Variants in FANCC observed in about 807,000 individuals in gnomAD.
FANCC encodes the protein FA complementation group C.
FANCC carries 55 observed loss-of-function variants against 71.3 expected under a neutral mutation model. That is an observed-to-expected ratio of 0.77 (90% CI 0.62 to 0.97). The LOEUF (loss-of-function observed/expected upper bound fraction) is 0.97, where lower values mean the gene tolerates loss of function less well. Among genes scored for constraint, FANCC ranks in the 50% least tolerant of loss-of-function variants. FANCC has a pLI of 0.00. For synonymous variants in FANCC, 275 were observed against 244.9 expected, an observed-to-expected ratio of 1.12 and a Z score of -1.15; for missense variants, 678 against 670.9, an observed-to-expected ratio of 1.01 and a Z score of -0.12.
chr9:95,249,642 C>T (rs1831208859), intron 1 of FANCC, among the ~76,000 whole-genome samples: 1 of 152,172 alleles, frequency 6.6e-6, no homozygotes, highest in African/African-American at 2.4e-5. Flanking sequence ...GCTGATAATA[C>T]TTTATATCTT....
At chr9:95,203,762 T>C (rs1827947281) in intron 4 of FANCC, among the ~76,000 whole-genome samples, 1 of 152,234 alleles carries the variant, frequency 6.6e-6, no homozygotes, top group Non-Finnish European at 1.5e-5. Context: ...TGAGTGGCAC[T>C]GTTTTACATT....
chr9:95,253,503 C>T (rs1299010809), intron 1 of FANCC, among the ~76,000 whole-genome samples: 1 of 152,208 alleles, frequency 6.6e-6, no homozygotes, highest in Non-Finnish European at 1.5e-5. Flanking sequence ...TACATGGTTT[C>T]TGAGGAGAAG....
intron 10 of FANCC, 125 bp downstream of exon 10, chr9:95,124,961 G>A (rs1256539602): frequency 3.7e-6 from 3 of 820,304 alleles, no homozygotes; most frequent in Admixed American, 2.0e-5. Context: ...GCACTCATTA[G>A]GAACCTTTCT....
intron 4 of FANCC, among the ~76,000 whole-genome samples, chr9:95,223,532 T>C (rs1408270311): frequency 2.0e-5 from 3 of 152,318 alleles, no homozygotes; most frequent in South Asian, 2.1e-4. Context: ...TTCTGAGGTA[T>C]TGGGGGTTAG....
intron 14 of FANCC, 121 bp downstream of exon 14, chr9:95,106,945 A>T: frequency 1.0e-6 from 1 of 959,444 alleles, no homozygotes; most frequent in Non-Finnish European, 1.6e-6. Flanking sequence ...TTGACCATTT[A>T]TCTGTGCTGG....
chr9:95,182,681 A>G (rs1045107662), intron 4 of FANCC, among the ~76,000 whole-genome samples: 3 of 152,066 alleles, frequency 2.0e-5, no homozygotes, highest in African/African-American at 7.2e-5. Flanking sequence ...CACGTGAGCC[A>G]GCTTGCTGAG....
chr9:95,294,103 G>C, intron 1 of FANCC: 1 of 1,610,574 alleles, frequency 6.2e-7, no homozygotes. Flanking sequence ...CCAAACCATA[G>C]ATTTATTAAG....
chr9:95,169,929 C>T (rs906111194), intron 6 of FANCC, among the ~76,000 whole-genome samples: 2 of 152,062 alleles, frequency 1.3e-5, no homozygotes, highest in Admixed American at 6.6e-5. Context: ...GGAGTGTTTG[C>T]CTCTTTATGA....
intron 1 of FANCC, among the ~76,000 whole-genome samples, chr9:95,253,811 G>A (rs1447619507): frequency 6.6e-6 from 1 of 151,346 alleles, no homozygotes; most frequent in South Asian, 2.1e-4. Context: ...GGGATGGGGG[G>A]GATGTGTTTG....
intron 4 of FANCC, among the ~76,000 whole-genome samples, chr9:95,175,407 G>A (rs1489883297): frequency 6.6e-6 from 1 of 152,214 alleles, no homozygotes; most frequent in African/African-American, 2.4e-5. Context: ...TAGAGAGTTA[G>A]AGTGAACCTT....
chr9:95,123,585 G>C, intron 10 of FANCC: 1 of 581,542 alleles, frequency 1.7e-6, no homozygotes, highest in South Asian at 1.4e-5. Flanking sequence ...CAGCCTATTT[G>C]CGACACGAAC....
intron 4 of FANCC, among the ~76,000 whole-genome samples, chr9:95,173,199 C>T (rs1825793880): frequency 6.6e-6 from 1 of 152,058 alleles, no homozygotes; most frequent in African/African-American, 2.4e-5. Context: ...TTCTATGAAA[C>T]ATGTACTCTG....
At chr9:95,261,899 G>A (rs1832074408) in intron 1 of FANCC, among the ~76,000 whole-genome samples, 1 of 152,150 alleles carries the variant, frequency 6.6e-6, no homozygotes, top group South Asian at 2.1e-4. Context: ...AGGAAGAGGT[G>A]AGGGGCTGGG....
rs9792530 is a variant in FANCC, at chr9:95,184,147, T to A, written c.346-12000A>T. On this transcript the variant is annotated intron_variant, in intron 4 of 14. Coordinates refer to ENST00000289081, the MANE Select transcript of FANCC (RefSeq NM_000136.3). The stretch of plus-strand genomic sequence containing the variant: ...TTTTTTAATGTAAACATTAAAAAAA[T>A]TTAATGTAATTAAATGAATTTTATT... Among the ~76,000 whole-genome samples, 85 of 152,154 alleles carry A rather than the reference T, an allele frequency of 5.6e-4. 2 individuals are homozygous for A. In the East Asian group the frequency reaches 0.013, roughly 24 times the overall value.
At chr9:95,121,191 C>T (rs1261240143) in intron 10 of FANCC, among the ~76,000 whole-genome samples, 1 of 152,180 alleles carries the variant, frequency 6.6e-6, no homozygotes, top group Non-Finnish European at 1.5e-5. Context: ...ATGGCTGCAA[C>T]CAGAAACTGA....
intron 4 of FANCC, among the ~76,000 whole-genome samples, chr9:95,221,307 C>A (rs1166558198): frequency 6.6e-6 from 1 of 152,078 alleles, no homozygotes; most frequent in Non-Finnish European, 1.5e-5. Context: ...GAAATCTAGA[C>A]CCTCTACTCC....
chr9:95,305,507 T>C (rs1437874593), intron 1 of FANCC, among the ~76,000 whole-genome samples: 2 of 152,208 alleles, frequency 1.3e-5, no homozygotes, highest in Non-Finnish European at 1.5e-5. Flanking sequence ...ATTCCTTCCC[T>C]AAATGCAGCA....
At chr9:95,123,498 T>G (rs1187211864) in intron 10 of FANCC, 2 of 471,222 alleles carry the variant, frequency 4.2e-6, no homozygotes, top group Non-Finnish European at 8.5e-6. Context: ...AAATTAGTGC[T>G]TCCTCCAGTC....
At chr9:95,113,164 T>C (rs759129595) in intron 12 of FANCC, among the ~76,000 whole-genome samples, 3 of 152,190 alleles carry the variant, frequency 2.0e-5, no homozygotes, top group East Asian at 1.9e-4. Flanking sequence ...GCAGCCTCCA[T>C]TGGCTGCAGG....
Sources: allele counts gnomAD v4.1 joint callset (sites outside exome capture counted in the v4.1 genomes callset), GRCh38; gene constraint gnomAD v4.1.1; transcripts MANE v1.5; gene names NCBI Gene and HGNC (gene_info 2026-07-23, HGNC 2026-07-21).